Variants in ANKRD36C observed in about 807,000 individuals in gnomAD.
ANKRD36C encodes ankyrin repeat domain 36C.
A neutral mutation model predicts 276.4 loss-of-function variants in ANKRD36C; 61 were observed. The ratio of observed to expected loss-of-function variants is 0.22; its 90% CI spans 0.18 to 0.27. The LOEUF (loss-of-function observed/expected upper bound fraction) is 0.27, where lower values mean the gene tolerates loss of function less well. Among genes scored for constraint, ANKRD36C ranks in the 10% least tolerant of loss-of-function variants. The pLI, the probability that ANKRD36C is intolerant of heterozygous loss-of-function variation, is 1.00. For synonymous variants in ANKRD36C, 483 were observed against 680.1 expected (o/e 0.71, Z 4.51); for missense variants, 1,447 against 2,032.3 (o/e 0.71, Z 5.54).
intron 10 of ANKRD36C, 74 bp downstream of exon 10, chr2:95,960,399 C>A (rs576475343): frequency 4.0e-6 from 6 of 1,516,374 alleles, no homozygotes; most frequent in Non-Finnish European, 4.4e-6. Flanking sequence ...GAGCCCCCTG[C>A]TGATTTATTC....
chr2:95,934,528 C>T (rs1677659875), intron 24 of ANKRD36C, among the ~76,000 whole-genome samples: 1 of 152,118 alleles, frequency 6.6e-6, no homozygotes. Flanking sequence ...GCCACATTTT[C>T]TCACTCATAA....
At chr2:95,976,195 T>C (rs1378331339) in intron 6 of ANKRD36C, among the ~76,000 whole-genome samples, 1 of 152,204 alleles carries the variant, frequency 6.6e-6, no homozygotes, top group African/African-American at 2.4e-5. Context: ...TGTAAACTAG[T>C]TCAACCATTG....
intron 44 of ANKRD36C, 129 bp from the exon 59 acceptor site, chr2:95,897,594 T>G: frequency 1.9e-6 from 2 of 1,066,224 alleles, no homozygotes; most frequent in Non-Finnish European, 2.7e-6. Context: ...GGCTTCTACT[T>G]TGTGTCTGGG....
exon 63 of ANKRD36C, chr2:95,855,789 G>C: frequency 6.2e-7 from 1 of 1,613,926 alleles, no homozygotes; most frequent in Non-Finnish European, 8.5e-7. Flanking sequence ...GCCCTGGAAA[G>C]CAAGCTCTTG....
chr2:95,870,826 CT>C (rs2104295392), intron 59 of ANKRD36C, among the ~76,000 whole-genome samples: 1 of 152,196 alleles, frequency 6.6e-6, no homozygotes, highest in South Asian at 2.1e-4. Context: ...CTTAAAGGAG[CT>C]GATGAAGCTG....
At chr2:95,991,482 C>A (rs1294942028) in intron 1 of ANKRD36C, 30 bp downstream of exon 1, 19 of 1,561,814 alleles carry the variant, frequency 1.2e-5, no homozygotes, top group Non-Finnish European at 1.6e-5. Context: ...CAGGCCTCCT[C>A]CCGCAGCCCC....
chr2:95,929,267 A>G, exon 25 of ANKRD36C: 2 of 1,593,038 alleles, frequency 1.3e-6, no homozygotes, highest in South Asian at 1.1e-5. Context: ...CTGAGAAGAC[A>G]CTGAAAAGCA....
At chr2:95,851,886 T>C in intron 65 of ANKRD36C, 99 bp from the exon 86 acceptor site, 1 of 1,310,020 alleles carries the variant, frequency 7.6e-7, no homozygotes, top group Non-Finnish European at 1.0e-6. Context: ...CACAAATTCT[T>C]AGCAATCACA....
At chr2:95,928,019 T>C (rs1386649460) in intron 26 of ANKRD36C, among the ~76,000 whole-genome samples, 1 of 151,664 alleles carries the variant, frequency 6.6e-6, no homozygotes, top group Non-Finnish European at 1.5e-5. Flanking sequence ...TATCCACTAG[T>C]TTAGCCTTCT....
intron 52 of ANKRD36C, among the ~76,000 whole-genome samples, chr2:95,884,728 T>C (rs933361390): frequency 3.9e-5 from 6 of 152,012 alleles, no homozygotes; most frequent in Non-Finnish European, 7.4e-5. Context: ...TGGTACTTGA[T>C]CCCACAGGTC....
At chr2:95,932,272 G>C (rs1181591797) in intron 24 of ANKRD36C, among the ~76,000 whole-genome samples, 1 of 152,242 alleles carries the variant, frequency 6.6e-6, no homozygotes, top group African/African-American at 2.4e-5. Flanking sequence ...ATCCATGTTG[G>C]TATGTCATCA....
At chr2:95,864,025 A>G (rs968226892) in intron 60 of ANKRD36C, among the ~76,000 whole-genome samples, 18 of 152,002 alleles carry the variant, frequency 1.2e-4, no homozygotes, top group Non-Finnish European at 1.6e-4. Context: ...AACTACCACT[A>G]TGGTGAAGGA....
intron 24 of ANKRD36C, among the ~76,000 whole-genome samples, chr2:95,933,954 A>G (rs1160452653): frequency 6.6e-6 from 1 of 152,298 alleles, no homozygotes; most frequent in African/African-American, 2.4e-5. Flanking sequence ...TGGGTGAAGG[A>G]TATGCTCAAA....
intron 44 of ANKRD36C, among the ~76,000 whole-genome samples, chr2:95,892,139 G>A (rs1676386045): frequency 6.6e-6 from 1 of 151,520 alleles, no homozygotes; most frequent in Non-Finnish European, 1.5e-5. Flanking sequence ...TGGATATGTC[G>A]AGTGATGAGG....
At chr2:95,987,253 AT>A (rs776951220) in intron 1 of ANKRD36C, 47 bp from the exon 2 acceptor site, 2 of 1,499,122 alleles carry the variant, frequency 1.3e-6, no homozygotes, top group Non-Finnish European at 1.8e-6. Flanking sequence ...GTAAGCATTA[AT>A]TAGCATGTTA....
intron 37 of ANKRD36C, 40 bp downstream of exon 39, chr2:95,916,103 T>C: frequency 6.2e-7 from 1 of 1,604,878 alleles, no homozygotes; most frequent in East Asian, 2.3e-5. Context: ...TCATAGGCTA[T>C]ACGTTTACTA....
intron 34 of ANKRD36C, 98 bp downstream of exon 34, chr2:95,921,509 G>T: frequency 6.7e-7 from 1 of 1,485,600 alleles, no homozygotes; most frequent in Non-Finnish European, 9.1e-7. Flanking sequence ...TGCAGCTTCG[G>T]CGAGCCCCCC....
At chr2:95,903,146 T>C (rs1161085831) in intron 42 of ANKRD36C, 65 bp from the exon 53 acceptor site, 2 of 1,533,616 alleles carry the variant, frequency 1.3e-6, no homozygotes, top group African/African-American at 2.8e-5. Context: ...CACATATTCA[T>C]GCAGTGTTAG....
chr2:95,894,534 G>A (rs971391346), intron 44 of ANKRD36C, among the ~76,000 whole-genome samples: 3 of 151,330 alleles, frequency 2.0e-5, no homozygotes, highest in African/African-American at 7.3e-5. Flanking sequence ...GATCACTCTA[G>A]GACTTAATTA....
Sources: gnomAD v4.1 joint callset for allele counts (sites outside exome capture counted in the v4.1 genomes callset) on GRCh38, gnomAD v4.1.1 for gene constraint, MANE v1.5 for transcripts, NCBI Gene and HGNC (gene_info 2026-07-23, HGNC 2026-07-21) for gene names.